The following TTC7B variants were observed in gnomAD, a reference collection of about 807,000 sequenced individuals.
TTC7B encodes tetratricopeptide repeat protein 7B.
Under a neutral mutation model 106.8 loss-of-function variants are expected in TTC7B, and 28 were observed. The observed-to-expected ratio is 0.26, with a 90% CI of 0.19 to 0.36. The LOEUF is 0.36. Ranked by LOEUF, TTC7B falls within the 10% of genes least tolerant of loss-of-function variation. TTC7B has a pLI of 1.00. For missense variants in TTC7B, 862 were observed against 1,076.4 expected, an observed-to-expected ratio of 0.80 and a Z score of 2.79; for synonymous variants, 405 against 430.6, an observed-to-expected ratio of 0.94 and a Z score of 0.74.
At chr14:90,683,989 C>T (rs1595278822) in intron 7 of TTC7B, among the ~76,000 whole-genome samples, 2 of 152,158 alleles carry the variant, frequency 1.3e-5, no homozygotes, top group East Asian at 1.9e-4. Context: ...GTGCCTGGCT[C>T]GGGATGTTCT....
rs1025664266 is a variant in TTC7B at position 90,767,904 on chromosome 14, G to A, written c.445+12834C>T. 8.5e-5 allele frequency among the ~76,000 whole-genome samples: 13 copies of A among 152,242 alleles called. No individual in the cohort carries two copies. The South Asian group carries it at 2.7e-3, about 32-fold the overall frequency. On this transcript the variant is annotated intron_variant, in intron 3 of 19. Transcript: ENST00000328459. ...TGAAATTTGGTGAAAGATATTAAGT[G>A]AAAAGTACAATTATCATTTATTGTA...
intron 17 of TTC7B, 58 bp from the exon 18 acceptor site, chr14:90,593,684 A>C: frequency 6.7e-7 from 1 of 1,486,924 alleles, no homozygotes; most frequent in Non-Finnish European, 9.0e-7. Flanking sequence ...CCAACCAATC[A>C]ACCCCTTCCC....
At chr14:90,784,955 A>G in intron 2 of TTC7B, among the ~76,000 whole-genome samples, 1 of 152,128 alleles carries the variant, frequency 6.6e-6, no homozygotes, top group East Asian at 1.9e-4. Context: ...CAACACCAAT[A>G]CTAACTTACT....
At chr14:90,541,711 G>C (rs988072345) in intron 19 of TTC7B, 122 bp from the exon 20 acceptor site, 1 of 719,956 alleles carries the variant, frequency 1.4e-6, no homozygotes, top group Non-Finnish European at 2.1e-6. Flanking sequence ...CATTGGGCTG[G>C]GCCCATAGTA....
intron 18 of TTC7B, among the ~76,000 whole-genome samples, chr14:90,590,686 A>G (rs1442366331): frequency 1.3e-5 from 2 of 152,224 alleles, no homozygotes; most frequent in Non-Finnish European, 2.9e-5. Flanking sequence ...ATAAGGTAAA[A>G]TCTGGCAGTG....
rs751487025 is a variant in TTC7B at position 90,730,053 on chromosome 14, T to TA, written c.698+21dup. On this transcript the variant is annotated intron_variant, in intron 5 of 19. Coordinates refer to ENST00000328459, the MANE Select transcript of TTC7B (RefSeq NM_001010854.2). ...ACTTTCCTTCTTTAGGAAGTGGATT[T>TA]AAAAAAATGAAGATGGCTTACCCAT... 9 of 1,590,606 alleles carry TA rather than the reference T, an allele frequency of 5.7e-6. No individual in the cohort carries two copies. The South Asian group carries it at 8.1e-5, about 14-fold the overall frequency.
At chr14:90,602,647 G>A (rs1214990479) in intron 17 of TTC7B, among the ~76,000 whole-genome samples, 1 of 151,784 alleles carries the variant, frequency 6.6e-6, no homozygotes, top group Non-Finnish European at 1.5e-5. Flanking sequence ...GCTTCAGTGA[G>A]CTGTAATCGT....
At chr14:90,613,745 A>T (rs1274264266) in intron 16 of TTC7B, among the ~76,000 whole-genome samples, 2 of 152,174 alleles carry the variant, frequency 1.3e-5, no homozygotes, top group African/African-American at 2.4e-5. Flanking sequence ...CTTCCCAAGG[A>T]GGGAGGCAGG....
chr14:90,674,881 G>A (rs1886765176), intron 9 of TTC7B, among the ~76,000 whole-genome samples: 1 of 152,180 alleles, frequency 6.6e-6, no homozygotes, highest in African/African-American at 2.4e-5. Context: ...GTTCTGACTT[G>A]CAAAGGTTCC....
At position 90,526,627 on chromosome 14, in the gene TTC7B, C is replaced by T. The variant is rs1889154897; in HGVS notation, c.*14741G>A. ...AATCCCCACATGTCATGGGAGGGAC[C>T]CGGTGCAAGGTAATTGAATCATGGG... On this transcript the variant is annotated 3_prime_UTR_variant, in exon 20 of 20. Coordinates refer to ENST00000328459, the MANE Select transcript of TTC7B (RefSeq NM_001010854.2). The T allele has an allele frequency of 6.6e-6, 1 of 152,182 alleles. No homozygotes were observed. Among genetic ancestry groups the T allele is most frequent in the South Asian group, 2.1e-4 (1 of 4,828 alleles). 9.4% of individuals were successfully genotyped at this position (152,182 alleles called of 1,614,324 possible).
chr14:90,586,159 C>T (rs751528754), intron 18 of TTC7B, among the ~76,000 whole-genome samples: 23 of 152,190 alleles, frequency 1.5e-4, no homozygotes, highest in Admixed American at 1.4e-3. Context: ...TCGCCTTCAC[C>T]GCATGGGCTC....
At position 90,660,395 on chromosome 14, in the gene TTC7B, C is replaced by CAAAAAAAAA. The variant is rs57030874; in HGVS notation, c.1153-2017_1153-2009dup. 1.4e-3 allele frequency among the ~76,000 whole-genome samples: 59 copies of CAAAAAAAAA among 40,896 alleles called. 1 individual carries two copies. Among genetic ancestry groups the CAAAAAAAAA allele is most frequent in the East Asian group, 2.1e-3 (2 of 942 alleles). 26.8% of individuals were successfully genotyped at this position (40,896 alleles called of 152,430 possible). The stretch of plus-strand genomic sequence containing the variant: ...GCAACAGAGCAAGACCACCCTGTCT[C>CAAAAAAAAA]AAAAAAAAAAAAAAAAAAAAAAAAA... On this transcript the variant is annotated intron_variant, in intron 9 of 19. Coordinates refer to ENST00000328459, the MANE Select transcript of TTC7B (RefSeq NM_001010854.2).
At chr14:90,552,698 G>A (rs980982986) in intron 19 of TTC7B, among the ~76,000 whole-genome samples, 6 of 152,198 alleles carry the variant, frequency 3.9e-5, no homozygotes, top group Admixed American at 1.3e-4. Flanking sequence ...TAAGAAGGGC[G>A]TCCTTCTGAC....
intron 15 of TTC7B, among the ~76,000 whole-genome samples, chr14:90,630,189 A>T (rs889975412): frequency 5.3e-5 from 8 of 151,794 alleles, no homozygotes; most frequent in Non-Finnish European, 1.2e-4. Flanking sequence ...TTTCCAGACA[A>T]TTTTTCATTG....
At chr14:90,619,390 C>T (rs1337123186) in intron 15 of TTC7B, among the ~76,000 whole-genome samples, 3 of 152,206 alleles carry the variant, frequency 2.0e-5, no homozygotes, top group East Asian at 1.9e-4. Context: ...TCTGGCACAA[C>T]TCTATGGCTA....
At chr14:90,646,795 C>T (rs891835266) in intron 14 of TTC7B, 156 bp downstream of exon 14, 28 of 689,536 alleles carry the variant, frequency 4.1e-5, no homozygotes, top group Non-Finnish European at 5.1e-5. Context: ...AACCAAAACA[C>T]CAGGCTCTTT....
chr14:90,562,866 G>T (rs190456588), intron 19 of TTC7B, among the ~76,000 whole-genome samples: 3 of 152,206 alleles, frequency 2.0e-5, no homozygotes, highest in Admixed American at 2.0e-4. Context: ...AACTCCACCT[G>T]TCTTCCCACT....
chr14:90,781,011 A>G (rs1891204125), intron 2 of TTC7B, 105 bp from the exon 3 acceptor site: 4 of 994,714 alleles, frequency 4.0e-6, no homozygotes, highest in Non-Finnish European at 6.1e-6. Context: ...AGCTCCCCGC[A>G]CAAGAGCTTG....
chr14:90,733,043 G>T (rs1469234201), intron 4 of TTC7B, among the ~76,000 whole-genome samples: 1 of 152,106 alleles, frequency 6.6e-6, no homozygotes, highest in Non-Finnish European at 1.5e-5. Flanking sequence ...CAAAGTCAGA[G>T]GCCACGCCTA....
Sources: gnomAD v4.1 joint callset for allele counts (sites outside exome capture counted in the v4.1 genomes callset) on GRCh38, gnomAD v4.1.1 for gene constraint, MANE v1.5 for transcripts, NCBI Gene and HGNC (gene_info 2026-07-23, HGNC 2026-07-21) for gene names.